Variants in ADAM19 observed in about 807,000 individuals in gnomAD.
ADAM19 encodes ADAM metallopeptidase domain 19.
In ADAM19, 65 loss-of-function variants were observed where a neutral mutation model predicts 114.7. The ratio of observed to expected loss-of-function variants is 0.57; its 90% CI spans 0.46 to 0.70. The LOEUF is 0.70. Ranked by LOEUF, ADAM19 falls within the 30% of genes least tolerant of loss-of-function variation. The pLI is 0.00. For synonymous variants in ADAM19, 466 were observed against 460.5 expected, an observed-to-expected ratio of 1.01 and a Z score of -0.15; for missense variants, 1,063 against 1,204.7, an observed-to-expected ratio of 0.88 and a Z score of 1.74.
intron 13 of ADAM19, among the ~76,000 whole-genome samples, chr5:157,497,598 CAA>C (rs1162805498): frequency 6.6e-6 from 1 of 151,776 alleles, no homozygotes; most frequent in Non-Finnish European, 1.5e-5. Flanking sequence ...CACACACACA[CAA>C]AACTAGCATT....
intron 7 of ADAM19, among the ~76,000 whole-genome samples, chr5:157,518,179 C>T (rs759322685): frequency 2.0e-5 from 3 of 152,100 alleles, no homozygotes; most frequent in African/African-American, 4.8e-5. Flanking sequence ...TAGACAATTC[C>T]GGGTTCCTCA....
At chr5:157,556,209 C>CTTTTTTTTT (rs68078503) in intron 3 of ADAM19, among the ~76,000 whole-genome samples, 4 of 66,328 alleles carry the variant, frequency 6.0e-5, no homozygotes, top group African/African-American at 6.0e-5. Flanking sequence ...TTTTCTTTTT[C>CTTTTTTTTT]TTTTTTTTTT....
intron 5 of ADAM19, among the ~76,000 whole-genome samples, chr5:157,525,939 G>A (rs10454970): frequency 0.11 from 16,276 of 152,060 alleles, 917 homozygotes; most frequent in South Asian, 0.16. Flanking sequence ...TAATATAAGG[G>A]TGATCCATCA....
At chr5:157,509,252 G>A (rs1755839679) in intron 9 of ADAM19, 49 bp downstream of exon 9, 1 of 1,531,326 alleles carries the variant, frequency 6.5e-7, no homozygotes, top group Non-Finnish European at 8.9e-7. Flanking sequence ...TGGGTGGGCA[G>A]AGGCTTTGCA....
chr5:157,537,807 A>T, intron 4 of ADAM19, 106 bp downstream of exon 4: 1 of 982,756 alleles, frequency 1.0e-6, no homozygotes, highest in Non-Finnish European at 1.5e-6. Context: ...TGGGGGAAAC[A>T]CTCCCTTCAG....
Position 157,575,623 on chromosome 5 carries a change from G to T in ADAM19, c.74C>A (p.Ala25Glu). 3.5e-6 allele frequency: 5 copies of T among 1,444,018 alleles called. No individual in the cohort carries two copies. Among genetic ancestry groups the T allele is most frequent in the South Asian group, 1.4e-5 (1 of 73,410 alleles). The allele number at this position is 1,444,018 out of a possible 1,614,324, so 89.5% of individuals were successfully genotyped here. A position where few individuals can be genotyped will look rare whatever the true frequency, so the allele number is the denominator to read the frequency against. ...FALQPLRPRA[A>E]REPGWTRGSE... ...CTTACTTGTCCATCCAGGCTCCCGC[G>T]CCGCCCGCGGCCGGAGGGGCTGCAG... Residue 25 changes from alanine (A) to glutamate (E), a missense_variant, in exon 1 of 23, where the codon GCG (alanine) becomes GAG (glutamate). Around this residue, in one of 3 missense-constraint regions of ADAM19, gnomAD observed 615 missense variants for 706.3 expected, o/e 0.87. Transcript: ENST00000257527.
chr5:157,560,181 C>T (rs927978231), intron 3 of ADAM19, among the ~76,000 whole-genome samples: 1 of 138,544 alleles, frequency 7.2e-6, no homozygotes, highest in Admixed American at 7.8e-5. Context: ...AGGAGAATGG[C>T]GTGAACCCGG....
intron 21 of ADAM19, among the ~76,000 whole-genome samples, chr5:157,482,893 C>A (rs1346453387): frequency 6.6e-6 from 1 of 152,180 alleles, no homozygotes; most frequent in Non-Finnish European, 1.5e-5. Flanking sequence ...AGGATGAGTT[C>A]ATGTCCTTTG....
At chr5:157,502,705 C>T (rs1755608155) in intron 12 of ADAM19, 98 bp downstream of exon 12, 1 of 1,375,888 alleles carries the variant, frequency 7.3e-7, no homozygotes, top group Non-Finnish European at 1.0e-6. Context: ...TAGGAAACAC[C>T]TGTGACTAAG....
intron 22 of ADAM19, 46 bp from the exon 23 acceptor site, chr5:157,481,048 G>A (rs765076443): frequency 7.4e-6 from 12 of 1,612,584 alleles, no homozygotes; most frequent in Non-Finnish European, 1.0e-5. Flanking sequence ...GCTTGATGCT[G>A]ATCAATGGGA....
At chr5:157,532,047 C>T (rs1178785101) in intron 4 of ADAM19, among the ~76,000 whole-genome samples, 3 of 152,236 alleles carry the variant, frequency 2.0e-5, no homozygotes, top group African/African-American at 7.2e-5. Flanking sequence ...ACACTCCCTA[C>T]TCTTCCACAG....
intron 6 of ADAM19, 139 bp downstream of exon 6, chr5:157,519,700 G>T: frequency 1.2e-6 from 1 of 805,826 alleles, no homozygotes; most frequent in Non-Finnish European, 1.9e-6. Flanking sequence ...AACAATGACA[G>T]AATAAAAGAA....
Position 157,509,377 on chromosome 5 carries a change from A to G in ADAM19, c.829T>C (p.Ser277Pro). 1 of 1,613,896 alleles carries G rather than the reference A, an allele frequency of 6.2e-7. No homozygotes were observed. The highest frequency in any genetic ancestry group is 8.5e-7 in the Non-Finnish European group (1 of 1,179,874). Residue 277 changes from serine (S) to proline (P), a missense_variant, in exon 9 of 23, where the codon TCT becomes CCT. Physicochemically the swap from Ser to Pro is moderately conservative, Grantham distance 74. Coordinates refer to ENST00000257527, the MANE Select transcript of ADAM19 (RefSeq NM_033274.5). ...CAACTGAGAAAGGACCAGAGGGTAGAATATGGATTCTCTGAAACTTCACAC... is the reference window on the plus strand; with the variant it reads ...CAACTGAGAAAGGACCAGAGGGTAGGATATGGATTCTCTGAAACTTCACAC... ...NMCEVSENPY[S>P]TLWSFLSWRR...
At chr5:157,519,006 A>G in intron 6 of ADAM19, 118 bp from the exon 7 acceptor site, 1 of 832,292 alleles carries the variant, frequency 1.2e-6, no homozygotes, top group Non-Finnish European at 2.0e-6. Context: ...TGATTTTGTC[A>G]TTCGGCACTA....
chr5:157,549,045 A>G (rs1342469361), intron 3 of ADAM19, among the ~76,000 whole-genome samples: 2 of 152,084 alleles, frequency 1.3e-5, no homozygotes, highest in Non-Finnish European at 2.9e-5. Flanking sequence ...CTTCCAATCC[A>G]TGGGCTCCAT....
chr5:157,551,734 A>C (rs1413236698), intron 3 of ADAM19, among the ~76,000 whole-genome samples: 1 of 152,110 alleles, frequency 6.6e-6, no homozygotes, highest in Non-Finnish European at 1.5e-5. Flanking sequence ...AAAAAAAAAA[A>C]CTAATAATCC....
At chr5:157,498,077 A>G (rs1755425326) in intron 13 of ADAM19, among the ~76,000 whole-genome samples, 1 of 152,164 alleles carries the variant, frequency 6.6e-6, no homozygotes, top group African/African-American at 2.4e-5. Flanking sequence ...GCCAAACCAG[A>G]TGCCGTGCAC....
At chr5:157,574,366 C>T (rs1757912297) in intron 1 of ADAM19, among the ~76,000 whole-genome samples, 1 of 152,242 alleles carries the variant, frequency 6.6e-6, no homozygotes, top group Non-Finnish European at 1.5e-5. Context: ...AGCACTGACA[C>T]AGGCCTGGTG....
chr5:157,480,733 A>G lies in ADAM19; in HGVS notation c.*216T>C, dbSNP rs1400502299. ...CCTGGGGCTGTATATTGCACAAAAC[A>G]ACACCTAGAGGCCATCAGATCATAG... On this transcript the variant is annotated 3_prime_UTR_variant, in exon 23 of 23. Coordinates refer to ENST00000257527, the MANE Select transcript of ADAM19 (RefSeq NM_033274.5). 1 of 1,405,944 alleles carries G rather than the reference A, an allele frequency of 7.1e-7. No individual in the cohort carries two copies. The highest frequency in any genetic ancestry group is 9.2e-7 in the Non-Finnish European group (1 of 1,082,686). The allele number at this position is 1,405,944 out of a possible 1,614,324, so 87.1% of individuals were successfully genotyped here. A position where few individuals can be genotyped will look rare whatever the true frequency, so the allele number is the denominator to read the frequency against.
Sources: gnomAD v4.1 joint callset for allele counts (sites outside exome capture counted in the v4.1 genomes callset) on GRCh38, gnomAD v4.1.1 for gene constraint, gnomAD v4.1.1 regional missense constraint, MANE v1.5 for transcripts, NCBI Gene and HGNC (gene_info 2026-07-23, HGNC 2026-07-21) for gene names.